The following ADGRG3 variants were observed in gnomAD, a reference collection of about 807,000 sequenced individuals.
The protein encoded by ADGRG3 is adhesion G protein-coupled receptor G3, also known as G protein-coupled receptor 97.
A neutral mutation model predicts 54.3 loss-of-function variants in ADGRG3; 39 were observed. That is an observed-to-expected ratio of 0.72 (90% CI 0.56 to 0.94). The LOEUF is 0.94. ADGRG3 is among the 40% of genes least tolerant of loss of function. The pLI, the probability that ADGRG3 is intolerant of heterozygous loss-of-function variation, is 0.00. For synonymous variants in ADGRG3, 312 were observed against 290.0 expected, an observed-to-expected ratio of 1.08 and a Z score of -0.77; for missense variants, 654 against 694.6, an observed-to-expected ratio of 0.94 and a Z score of 0.66.
At position 57,684,410 on chromosome 16, in the gene ADGRG3, A is replaced by T. The variant is rs756565659; in HGVS notation, c.1183A>T (p.Ile395Phe). The T allele has an allele frequency of 2.5e-6, 4 of 1,613,708 alleles. No individual in the cohort carries two copies. The highest frequency in any genetic ancestry group is 3.4e-6 in the Non-Finnish European group (4 of 1,179,696). Residue 395 changes from isoleucine (I) to phenylalanine (F), a missense_variant, in exon 10 of 12, where the codon ATC becomes TTC. Transcript: ENST00000333493. ...VGWGLPALMV[I>F]GTGSANSYGL... ...CCCAGGCCTGCCCGCCCTGATGGTC[A>T]TCGGCACTGGGAGTGCCAACAGCTA...
chr16:57,676,542 A>G (rs1054361628), intron 3 of ADGRG3, among the ~76,000 whole-genome samples: 1 of 152,224 alleles, frequency 6.6e-6, no homozygotes, highest in Non-Finnish European at 1.5e-5. Context: ...CTGAGGGAAC[A>G]TATTTGAAAT....
intron 11 of ADGRG3, among the ~76,000 whole-genome samples, chr16:57,687,627 A>G (rs1245607081): frequency 1.3e-5 from 2 of 152,248 alleles, no homozygotes; most frequent in African/African-American, 4.8e-5. Flanking sequence ...AACTATATTA[A>G]TAATCATAGA....
intron 10 of ADGRG3, among the ~76,000 whole-genome samples, chr16:57,685,028 A>T (rs1461649325): frequency 4.6e-5 from 7 of 152,196 alleles, no homozygotes; most frequent in Non-Finnish European, 1.0e-4. Context: ...ACTGATCAAC[A>T]TGCTCTTTGA....
intron 8 of ADGRG3, among the ~76,000 whole-genome samples, chr16:57,683,116 C>G (rs1416543953): frequency 1.3e-5 from 2 of 152,202 alleles, no homozygotes; most frequent in African/African-American, 4.8e-5. Context: ...GTGGGAGGAG[C>G]TGGGGAGCAG....
At chr16:57,687,596 A>G (rs2048497867) in intron 11 of ADGRG3, among the ~76,000 whole-genome samples, 1 of 152,202 alleles carries the variant, frequency 6.6e-6, no homozygotes. Context: ...TGTGGGAACT[A>G]CTAGGTCTTC....
intron 3 of ADGRG3, 71 bp from the exon 4 acceptor site, chr16:57,678,099 C>A: frequency 1.3e-6 from 2 of 1,581,800 alleles, no homozygotes; most frequent in South Asian, 1.1e-5. Flanking sequence ...CTTCCCCTCC[C>A]AGCTGGGGGA....
upstream of ADGRG3, among the ~76,000 whole-genome samples, chr16:57,666,964 C>T (rs557381471): frequency 6.6e-6 from 1 of 152,348 alleles, no homozygotes. Context: ...GGAGGGAGGT[C>T]TGCAGATCTT....
upstream of ADGRG3, among the ~76,000 whole-genome samples, chr16:57,666,835 G>A (rs971095208): frequency 1.3e-5 from 2 of 152,138 alleles, no homozygotes; most frequent in African/African-American, 2.4e-5. Flanking sequence ...ACCCCCAGGC[G>A]CTTCTTCACA....
At chr16:57,679,705 C>T in intron 5 of ADGRG3, 111 bp from the exon 6 acceptor site, 1 of 864,298 alleles carries the variant, frequency 1.2e-6, no homozygotes, top group African/African-American at 1.6e-5. Flanking sequence ...TTGCTTTCTA[C>T]CTAATGCACA....
rs2048432282 is a variant in ADGRG3 at position 57,684,336 on chromosome 16, G to A, written c.1163-54G>A. 7 of 1,569,886 alleles carry A rather than the reference G, an allele frequency of 4.5e-6. No individual in the cohort carries two copies. In the Admixed American group the frequency reaches 6.8e-5, roughly 15 times the overall value. The stretch of plus-strand genomic sequence containing the variant: ...GATGGCCATCTGGAGGGGACGTGGA[G>A]GAGGAAGTGCCAGTAAGCCCCAGTG... On this transcript the variant is annotated intron_variant, in intron 9 of 11. Transcript: ENST00000333493.
rs962388035 is a variant in ADGRG3, at chr16:57,682,453, G to A, written c.882-1479G>A. On this transcript the variant is annotated intron_variant, in intron 8 of 11. Coordinates refer to ENST00000333493, the MANE Select transcript of ADGRG3 (RefSeq NM_170776.5). ...ATCCATCACAGACCAACCCATGAGT[G>A]TAAATGGTGCCCCTCACCCCCACCC... 1.9e-5 allele frequency: 19 copies of A among 982,668 alleles called. No homozygotes were observed. In the African/African-American group the frequency reaches 2.8e-4, roughly 14 times the overall value. The allele number at this position is 982,668 out of a possible 1,614,324, so 60.9% of individuals were successfully genotyped here.
intron 11 of ADGRG3, among the ~76,000 whole-genome samples, chr16:57,687,103 C>T (rs1056173116): frequency 1.4e-4 from 22 of 152,336 alleles, no homozygotes; most frequent in Middle Eastern, 3.4e-3. Flanking sequence ...TGGCTCCCAG[C>T]GCCCCATGAG....
At chr16:57,667,576 CG>C (rs555367236), upstream of ADGRG3, among the ~76,000 whole-genome samples, 186 of 152,370 alleles carry the variant, frequency 1.2e-3, no homozygotes, top group African/African-American at 4.4e-3. Flanking sequence ...TCACACACCT[CG>C]GGAGGCTCAG....
intron 8 of ADGRG3, chr16:57,682,746 G>A (rs1164290613): frequency 3.8e-6 from 2 of 532,862 alleles, no homozygotes; most frequent in African/African-American, 2.1e-5. Flanking sequence ...AGAGAGGGAG[G>A]TGAGCCTGGT....
At chr16:57,684,882 G>A (rs540198120) in intron 10 of ADGRG3, among the ~76,000 whole-genome samples, 2 of 152,204 alleles carry the variant, frequency 1.3e-5, no homozygotes, top group Non-Finnish European at 2.9e-5. Context: ...AGGTGTCCTT[G>A]TTCAGGCCAC....
intron 2 of ADGRG3, among the ~76,000 whole-genome samples, chr16:57,674,276 C>G (rs191935463): frequency 6.6e-6 from 1 of 151,982 alleles, no homozygotes; most frequent in Admixed American, 6.6e-5. Context: ...GGAGATGATA[C>G]GATGTAGACT....
intron 5 of ADGRG3, 102 bp downstream of exon 5, chr16:57,679,413 T>C (rs2048323265): frequency 7.6e-7 from 1 of 1,311,112 alleles, no homozygotes; most frequent in South Asian, 1.3e-5. Context: ...ATCTGTCCCC[T>C]ACCCTTCCAC....
intron 8 of ADGRG3, among the ~76,000 whole-genome samples, chr16:57,680,849 G>A (rs752207431): frequency 1.3e-5 from 2 of 152,194 alleles, no homozygotes; most frequent in African/African-American, 2.4e-5. Flanking sequence ...TGTGGTTCAC[G>A]TAACTGAGAA....
intron 4 of ADGRG3, chr16:57,678,534 C>A (rs1214908417): frequency 1.2e-5 from 7 of 578,942 alleles, no homozygotes; most frequent in African/African-American, 1.1e-4. Context: ...AGATGTTTGA[C>A]CCCCACACAT....
Sources: allele counts gnomAD v4.1 joint callset (sites outside exome capture counted in the v4.1 genomes callset), GRCh38; gene constraint gnomAD v4.1.1; transcripts MANE v1.5; gene names NCBI Gene and HGNC (gene_info 2026-07-23, HGNC 2026-07-21).